The following SLCO2A1 variants were observed in gnomAD, a reference collection of about 807,000 sequenced individuals.
SLCO2A1 encodes solute carrier organic anion transporter family member 2A1.
A neutral mutation model predicts 71.7 loss-of-function variants in SLCO2A1; 60 were observed. The observed-to-expected ratio is 0.84, with a 90% confidence interval of 0.68 to 1.04. The LOEUF (loss-of-function observed/expected upper bound fraction) is 1.04. SLCO2A1 is among the 50% of genes least tolerant of loss of function. The pLI is 0.00. For synonymous variants in SLCO2A1, 308 were observed against 326.7 expected (o/e 0.94, Z 0.62); for missense variants, 745 against 813.4 (o/e 0.92, Z 1.02).
intron 11 of SLCO2A1, among the ~76,000 whole-genome samples, chr3:133,940,554 G>A (rs898062275): frequency 2.6e-5 from 4 of 152,192 alleles, no homozygotes; most frequent in Admixed American, 2.6e-4. Context: ...ACTTGCCAGG[G>A]AGATTTTCCT....
chr3:133,932,735 TAATAG>T lies in SLCO2A1; in HGVS notation c.*1973_*1977del, dbSNP rs1933171870. ...AAATTAGAATATTTTAATAGTAATA[TAATAG>T]AATAAAGGTTTGGGAGTGCAACCAA... is the stretch of plus-strand genomic sequence containing the variant. On this transcript the variant is annotated 3_prime_UTR_variant, in exon 14 of 14. Coordinates refer to ENST00000310926, the MANE Select transcript of SLCO2A1 (RefSeq NM_005630.3). 1 of 151,374 alleles carries T rather than the reference TAATAG, an allele frequency of 6.6e-6. No individual in the cohort carries two copies. Among genetic ancestry groups the T allele is most frequent in the Non-Finnish European group, 1.5e-5 (1 of 67,956 alleles). 9.4% of individuals were successfully genotyped at this position (151,374 alleles called of 1,614,324 possible). A position where few individuals can be genotyped will look rare whatever the true frequency, so the allele number is the denominator to read the frequency against.
chr3:133,973,835 G>C lies in SLCO2A1; in HGVS notation c.235-10C>G. 6.2e-7 allele frequency: 1 copy of C among 1,610,310 alleles called. No homozygotes were observed. ...GGATGGCATTGCTGATCTGAGAAGAGAGCAGAAGGGCTGAGTGAGACAAGA... is the reference window on the plus strand; with the variant it reads ...GGATGGCATTGCTGATCTGAGAAGACAGCAGAAGGGCTGAGTGAGACAAGA... On this transcript the variant is annotated splice_polypyrimidine_tract_variant and intron_variant, in intron 2 of 13. Transcript: ENST00000310926.
At chr3:133,954,833 C>T in intron 4 of SLCO2A1, 133 bp downstream of exon 4, 1 of 672,660 alleles carries the variant, frequency 1.5e-6, no homozygotes, top group Non-Finnish European at 2.5e-6. Flanking sequence ...CTGTCGGATC[C>T]CCAGGCCTCT....
chr3:134,003,309 C>A (rs922287612), intron 1 of SLCO2A1, among the ~76,000 whole-genome samples: 21 of 152,192 alleles, frequency 1.4e-4, no homozygotes, highest in African/African-American at 4.1e-4. Flanking sequence ...GGTGGATTCA[C>A]GTCTGCAGCC....
intron 1 of SLCO2A1, 59 bp downstream of exon 1, chr3:134,029,648 C>T: frequency 1.4e-6 from 2 of 1,417,676 alleles, no homozygotes; most frequent in Non-Finnish European, 1.9e-6. Flanking sequence ...AAGCGGGTGC[C>T]CAGCCGAAGG....
chr3:133,976,833 T>C (rs1445868425), intron 2 of SLCO2A1, among the ~76,000 whole-genome samples: 2 of 152,178 alleles, frequency 1.3e-5, no homozygotes, highest in Non-Finnish European at 1.5e-5. Context: ...TAGCCTTTCG[T>C]AGTGGACAAG....
intron 13 of SLCO2A1, 63 bp downstream of exon 13, chr3:133,935,711 T>A: frequency 3.4e-6 from 5 of 1,478,990 alleles, no homozygotes; most frequent in Admixed American, 2.0e-5. Flanking sequence ...ACTGGGCATA[T>A]GACTACTGTC....
At chr3:133,991,603 G>GA (rs1251959503) in intron 1 of SLCO2A1, among the ~76,000 whole-genome samples, 4 of 152,154 alleles carry the variant, frequency 2.6e-5, no homozygotes, top group Non-Finnish European at 4.4e-5. Flanking sequence ...TGGTCCTGTG[G>GA]GTCACTGGAG....
intron 1 of SLCO2A1, among the ~76,000 whole-genome samples, chr3:134,007,731 T>TA (rs1308773775): frequency 6.6e-6 from 1 of 152,198 alleles, no homozygotes; most frequent in Non-Finnish European, 1.5e-5. Flanking sequence ...CATCTTTGAG[T>TA]ACCTGTGTGA....
rs191157611 is a variant in SLCO2A1, at chr3:133,976,601, C to G, written c.235-2776G>C. On this transcript the variant is annotated intron_variant, in intron 2 of 13. Transcript: ENST00000310926. Reference sequence around the variant, plus strand: ...GTTTTTCCCTAATATAAAACAACCCCCCAAATGCAGCTGTTCCGGCTGAGA... The same window carrying G: ...GTTTTTCCCTAATATAAAACAACCCGCCAAATGCAGCTGTTCCGGCTGAGA... 4.6e-5 allele frequency among the ~76,000 whole-genome samples: 7 copies of G among 152,090 alleles called. No individual in the cohort carries two copies. In the East Asian group the frequency reaches 1.3e-3, roughly 29 times the overall value.
At chr3:133,993,843 A>G (rs1163465874) in intron 1 of SLCO2A1, among the ~76,000 whole-genome samples, 2 of 152,212 alleles carry the variant, frequency 1.3e-5, no homozygotes, top group Non-Finnish European at 2.9e-5. Context: ...CTTTGTTCTA[A>G]TAATAGGATG....
At position 134,028,357 on chromosome 3, in the gene SLCO2A1, G is replaced by C. The variant is rs535017737; in HGVS notation, c.96+1350C>G. ...ATTCCTGATGAAATTTCTCCAAAAT[G>C]GTGGAACCAAAACTGCGCACAACAT... On this transcript the variant is annotated intron_variant, in intron 1 of 13. Transcript: ENST00000310926. 2.0e-5 allele frequency among the ~76,000 whole-genome samples: 3 copies of C among 152,178 alleles called. No individual in the cohort carries two copies. In the South Asian group the frequency reaches 6.2e-4, roughly 31 times the overall value.
At chr3:134,025,508 G>A (rs1935685280) in intron 1 of SLCO2A1, among the ~76,000 whole-genome samples, 2 of 152,096 alleles carry the variant, frequency 1.3e-5, no homozygotes, top group Non-Finnish European at 2.9e-5. Flanking sequence ...TGATGCCTGT[G>A]CTGTCATTAA....
Position 133,953,742 on chromosome 3 carries a change from A to T in SLCO2A1, c.645T>A (p.Ser215=). Residue 215 remains serine (S), a synonymous_variant, in exon 5 of 14, where the codon TCT becomes TCA. Transcript: ENST00000310926. ...GGTACCCGAAAGCCGGTCCAAATAC[A>T]GAGATGGCAAATAAGATGGCTGGAA... The part of the protein sequence containing the change: ...PLYISILFAI[S]VFGPAFGYLL... 1.9e-6 allele frequency: 3 copies of T among 1,614,166 alleles called. No homozygotes were observed. The highest frequency in any genetic ancestry group is 2.5e-6 in the Non-Finnish European group (3 of 1,179,978).
chr3:133,959,061 C>T (rs1426944685), intron 3 of SLCO2A1, among the ~76,000 whole-genome samples: 3 of 152,186 alleles, frequency 2.0e-5, no homozygotes, highest in Admixed American at 2.0e-4. Context: ...ACTGAAGGAC[C>T]ATGCCTAGAT....
intron 1 of SLCO2A1, among the ~76,000 whole-genome samples, chr3:133,991,821 T>C (rs1225175179): frequency 6.6e-6 from 1 of 152,214 alleles, no homozygotes; most frequent in African/African-American, 2.4e-5. Flanking sequence ...AGATTCCCTT[T>C]GCCAGCCTTT....
At chr3:134,010,770 A>T (rs966088763) in intron 1 of SLCO2A1, among the ~76,000 whole-genome samples, 1 of 128,310 alleles carries the variant, frequency 7.8e-6, no homozygotes, top group Admixed American at 8.0e-5. Flanking sequence ...AAAAAAAAAA[A>T]AGCACCAGAT....
rs1451229240 is a variant in SLCO2A1, at chr3:133,942,638, A to G, written c.1592T>C (p.Ile531Thr). 2.5e-6 allele frequency: 4 copies of G among 1,613,688 alleles called. No homozygotes were observed. The highest frequency in any genetic ancestry group is 1.1e-5 in the South Asian group (1 of 90,984). The change falls in exon 11 of 14, where the codon ATC becomes ACC. Residue 531 changes from isoleucine (I) to threonine (T), a missense_variant. Transcript: ENST00000310926. Reference protein sequence around the residue: ...LISFVSLIACISHNPLYMMVL... With the variant: ...LISFVSLIACTSHNPLYMMVL... ...CATCATGTAGAGGGGGTTGTGGGAG[A>G]TGCAGGCTATCAGGGACACGAAGGA... is the stretch of plus-strand genomic sequence containing the variant.
At chr3:133,980,699 G>A (rs2108058975) in intron 1 of SLCO2A1, among the ~76,000 whole-genome samples, 1 of 152,362 alleles carries the variant, frequency 6.6e-6, no homozygotes, top group South Asian at 2.1e-4. Context: ...TTCCGAAGCT[G>A]AGCCTTCCTC....
Sources: allele counts gnomAD v4.1 joint callset (sites outside exome capture counted in the v4.1 genomes callset), GRCh38; gene constraint gnomAD v4.1.1; transcripts MANE v1.5; gene names NCBI Gene and HGNC (gene_info 2026-07-23, HGNC 2026-07-21).